The following MYRIP variants were observed in gnomAD, a reference collection of about 807,000 sequenced individuals.
MYRIP encodes the protein rab effector MyRIP.
MYRIP carries 49 observed loss-of-function variants against 98.0 expected under a neutral mutation model. The ratio of observed to expected loss-of-function variants is 0.50; its 90% CI spans 0.40 to 0.63. MYRIP has a LOEUF of 0.63. Among genes scored for constraint, MYRIP ranks in the 30% least tolerant of loss-of-function variants. The pLI is 0.00. For synonymous variants in MYRIP, 404 were observed against 409.5 expected (o/e 0.99, Z 0.16); for missense variants, 1,004 against 1,058.2 (o/e 0.95, Z 0.71).
rs187595242 is a variant in MYRIP at position 40,145,659 on chromosome 3, C to T, written c.333-5389C>T. On this transcript the variant is annotated intron_variant, in intron 3 of 16. Transcript: ENST00000302541. ...TGCAAGCTTTCTGAAAAAGTCACAT[C>T]TTTGAACCTGGCTGCTTTACGTCTA... is the stretch of plus-strand genomic sequence containing the variant. 2.0e-5 allele frequency among the ~76,000 whole-genome samples: 3 copies of T among 152,344 alleles called. No individual in the cohort carries two copies. In the East Asian group the frequency reaches 5.8e-4, roughly 29 times the overall value.
intron 3 of MYRIP, among the ~76,000 whole-genome samples, chr3:40,050,120 A>T (rs928719259): frequency 6.6e-6 from 1 of 152,198 alleles, no homozygotes; most frequent in African/African-American, 2.4e-5. Flanking sequence ...TCTAGCTAAG[A>T]TCATTGATGA....
chr3:39,924,040 T>TCAAGTAATCTACAGGAAGGTAGGA (rs1944360589), intron 2 of MYRIP, among the ~76,000 whole-genome samples: 1 of 152,006 alleles, frequency 6.6e-6, no homozygotes, highest in Non-Finnish European at 1.5e-5. Context: ...TAAAAAATGT[T>TCAAGTAATCTACAGGAAGGTAGGA]CAAGTAATCT....
intron 3 of MYRIP, among the ~76,000 whole-genome samples, chr3:40,116,084 CA>C (rs576320227): frequency 4.3e-4 from 66 of 152,338 alleles, no homozygotes; most frequent in African/African-American, 1.5e-3. Flanking sequence ...AAGCCAGCTG[CA>C]GTGCTCCCTG....
At chr3:40,158,185 G>A (rs542528292) in intron 4 of MYRIP, among the ~76,000 whole-genome samples, 2 of 152,068 alleles carry the variant, frequency 1.3e-5, no homozygotes, top group South Asian at 2.1e-4. Context: ...CAGAGATTCC[G>A]GTATGTTGTG....
chr3:39,945,306 C>G, intron 2 of MYRIP, among the ~76,000 whole-genome samples: 1 of 69,094 alleles, frequency 1.4e-5, no homozygotes, highest in Non-Finnish European at 2.4e-5. Flanking sequence ...ACCATCTCTA[C>G]TACAAAAAAA....
chr3:39,901,470 C>T (rs932317669), intron 2 of MYRIP, among the ~76,000 whole-genome samples: 5 of 152,136 alleles, frequency 3.3e-5, no homozygotes, highest in African/African-American at 9.7e-5. Context: ...CTCCTGACTC[C>T]TCTGCAGTTG....
chr3:40,239,465 T>A (rs1325241466), intron 12 of MYRIP, among the ~76,000 whole-genome samples: 2 of 143,710 alleles, frequency 1.4e-5, no homozygotes, highest in Non-Finnish European at 3.0e-5. Context: ...TAGTTCTAGA[T>A]CCTTGAGGAA....
intron 1 of MYRIP, among the ~76,000 whole-genome samples, chr3:39,881,861 C>A (rs1559507894): frequency 6.6e-6 from 1 of 152,024 alleles, no homozygotes. Flanking sequence ...GTACTTCCAT[C>A]TTTTAAAATT....
At chr3:40,079,116 C>G (rs1948418677) in intron 3 of MYRIP, among the ~76,000 whole-genome samples, 1 of 152,140 alleles carries the variant, frequency 6.6e-6, no homozygotes, top group African/African-American at 2.4e-5. Context: ...AAAATATGCT[C>G]CCTTGTTGTC....
intron 1 of MYRIP, among the ~76,000 whole-genome samples, chr3:39,812,197 C>T (rs115972497): frequency 6.6e-6 from 1 of 152,198 alleles, no homozygotes; most frequent in Non-Finnish European, 1.5e-5. Flanking sequence ...TTACCCCTAC[C>T]TACAGGCACT....
chr3:40,173,976 A>C (rs908301629), intron 8 of MYRIP: 2 of 152,232 alleles, frequency 1.3e-5, no homozygotes, highest in Admixed American at 6.5e-5. Flanking sequence ...TTATATAAAA[A>C]TAGGGCCTAA....
intron 2 of MYRIP, among the ~76,000 whole-genome samples, chr3:40,011,700 G>A (rs1415264890): frequency 6.6e-6 from 1 of 152,074 alleles, no homozygotes; most frequent in African/African-American, 2.4e-5. Flanking sequence ...GAACCAATTT[G>A]ACAGATAGAT....
intron 2 of MYRIP, among the ~76,000 whole-genome samples, chr3:39,937,836 ATATAC>A (rs1393246967): frequency 6.6e-6 from 1 of 152,236 alleles, no homozygotes; most frequent in African/African-American, 2.4e-5. Context: ...CTCCACTGAT[ATATAC>A]TATGTATGAT....
intron 3 of MYRIP, among the ~76,000 whole-genome samples, chr3:40,111,720 G>A (rs1200465438): frequency 6.6e-6 from 1 of 151,952 alleles, no homozygotes; most frequent in Non-Finnish European, 1.5e-5. Flanking sequence ...CTGACATATT[G>A]GAGATCCCTG....
intron 1 of MYRIP, among the ~76,000 whole-genome samples, chr3:39,866,600 A>C (rs1942635315): frequency 6.6e-6 from 1 of 152,160 alleles, no homozygotes; most frequent in Non-Finnish European, 1.5e-5. Context: ...CCTCCTGAGT[A>C]CAAAATCCTA....
chr3:40,254,334 T>C (rs1355592088), intron 16 of MYRIP, among the ~76,000 whole-genome samples: 1 of 152,068 alleles, frequency 6.6e-6, no homozygotes, highest in Non-Finnish European at 1.5e-5. Context: ...TTCATGCCTT[T>C]GTCTGGCTCA....
intron 3 of MYRIP, among the ~76,000 whole-genome samples, chr3:40,126,069 C>T (rs1231982596): frequency 1.3e-5 from 2 of 152,216 alleles, no homozygotes; most frequent in Non-Finnish European, 2.9e-5. Context: ...GGATGGGATT[C>T]TGTTGTTTTC....
At chr3:39,906,783 C>T (rs1943889646) in intron 2 of MYRIP, among the ~76,000 whole-genome samples, 1 of 152,184 alleles carries the variant, frequency 6.6e-6, no homozygotes, top group Non-Finnish European at 1.5e-5. Context: ...TTTATAGCTG[C>T]ACCAGGTACT....
At chr3:39,967,022 T>G (rs567106901) in intron 2 of MYRIP, among the ~76,000 whole-genome samples, 210 of 152,356 alleles carry the variant, frequency 1.4e-3, no homozygotes, top group African/African-American at 4.8e-3. Flanking sequence ...TCTCTGAGCC[T>G]CAGTTTTCTC....
Sources: allele counts gnomAD v4.1 joint callset (sites outside exome capture counted in the v4.1 genomes callset), GRCh38; gene constraint gnomAD v4.1.1; transcripts MANE v1.5; gene names NCBI Gene and HGNC (gene_info 2026-07-23, HGNC 2026-07-21).